VAV3: variants seen among roughly 807,000 people sequenced by gnomAD.
VAV3 encodes guanine nucleotide exchange factor VAV3.
In VAV3, 94 loss-of-function variants were observed where a neutral mutation model predicts 131.2. The observed-to-expected ratio is 0.72, with a 90% CI of 0.61 to 0.85. The LOEUF (loss-of-function observed/expected upper bound fraction) is 0.85, where lower values mean the gene tolerates loss of function less well. Ranked by LOEUF, VAV3 falls within the 40% of genes least tolerant of loss-of-function variation. VAV3 has a pLI of 0.00. For missense variants in VAV3, 939 were observed against 1,002.7 expected, an observed-to-expected ratio of 0.94 and a Z score of 0.86; for synonymous variants, 349 against 342.0, an observed-to-expected ratio of 1.02 and a Z score of -0.22.
intron 19 of VAV3, among the ~76,000 whole-genome samples, chr1:107,682,610 G>A (rs1157381509): frequency 6.6e-6 from 1 of 152,138 alleles, no homozygotes. Flanking sequence ...ATCTTAAACA[G>A]CTCATAAACT....
chr1:107,706,407 C>T (rs1660455291), intron 15 of VAV3, among the ~76,000 whole-genome samples: 1 of 152,166 alleles, frequency 6.6e-6, no homozygotes, highest in Non-Finnish European at 1.5e-5. Context: ...AATCCATCTG[C>T]TGAATATGAG....
intron 1 of VAV3, among the ~76,000 whole-genome samples, chr1:107,954,739 A>C (rs948496720): frequency 4.0e-5 from 6 of 148,860 alleles, no homozygotes; most frequent in Non-Finnish European, 8.9e-5. Flanking sequence ...CCTCCAAGGG[A>C]GCCCCACACA....
chr1:107,720,549 A>T (rs1015084769), intron 15 of VAV3, among the ~76,000 whole-genome samples: 92 of 151,364 alleles, frequency 6.1e-4, no homozygotes, highest in African/African-American at 2.2e-3. Flanking sequence ...GGGGTGGCGC[A>T]TGCCTATAAT....
intron 2 of VAV3, among the ~76,000 whole-genome samples, chr1:107,808,758 G>A (rs888843158): frequency 2.6e-5 from 4 of 152,102 alleles, no homozygotes; most frequent in African/African-American, 4.8e-5. Context: ...CATAGTATAA[G>A]AGGCTACAAT....
chr1:107,806,043 G>C (rs899582606), intron 2 of VAV3, among the ~76,000 whole-genome samples: 2 of 152,096 alleles, frequency 1.3e-5, no homozygotes, highest in African/African-American at 4.8e-5. Context: ...CCACTGACTT[G>C]GCATCTCCTT....
chr1:107,576,833 A>G (rs953771985), intron 25 of VAV3, among the ~76,000 whole-genome samples: 4 of 152,222 alleles, frequency 2.6e-5, no homozygotes, highest in African/African-American at 9.6e-5. Context: ...CAAAACTATT[A>G]TAAAGAAAAG....
At chr1:107,894,668 A>G (rs1310061048) in intron 1 of VAV3, among the ~76,000 whole-genome samples, 1 of 152,222 alleles carries the variant, frequency 6.6e-6, no homozygotes, top group Non-Finnish European at 1.5e-5. Context: ...TTAACTTTTA[A>G]AAACGGCAGA....
rs774039022 is a variant in VAV3, at chr1:107,772,826, T to A, written c.464A>T (p.Asp155Val). The change falls in exon 5 of 27, where the codon GAT (aspartate) becomes GTT (valine). Residue 155 changes from aspartate (D) to valine (V), a missense_variant. Coordinates refer to ENST00000370056, the MANE Select transcript of VAV3 (RefSeq NM_006113.5). ...AACACAGTCATAGAGATCTTCTTCA[T>A]CTTCCACAAGGGTTTCACTACAACA... is the stretch of plus-strand genomic sequence containing the variant. ...PDLIDETLVEDEEDLYDCVYG... is the reference protein window; with the variant it reads ...PDLIDETLVEVEEDLYDCVYG... 1.9e-6 allele frequency: 3 copies of A among 1,613,608 alleles called. No individual in the cohort carries two copies. Among genetic ancestry groups the A allele is most frequent in the Non-Finnish European group, 2.5e-6 (3 of 1,179,772 alleles).
chr1:107,594,875 A>C (rs373669905), intron 25 of VAV3, among the ~76,000 whole-genome samples: 1 of 152,070 alleles, frequency 6.6e-6, no homozygotes, highest in Admixed American at 6.6e-5. Context: ...GAACAACTCA[A>C]ACAGGATTTT....
At chr1:107,685,575 A>G (rs1326199847) in intron 18 of VAV3, among the ~76,000 whole-genome samples, 2 of 152,124 alleles carry the variant, frequency 1.3e-5, no homozygotes, top group East Asian at 1.9e-4. Context: ...CACTCTGAAA[A>G]CAGAAACCTT....
At chr1:107,624,497 C>T (rs1653861100) in intron 20 of VAV3, among the ~76,000 whole-genome samples, 1 of 151,656 alleles carries the variant, frequency 6.6e-6, no homozygotes, top group Non-Finnish European at 1.5e-5. Flanking sequence ...AGCCAAAACC[C>T]ACGTTGTTAC....
intron 1 of VAV3, among the ~76,000 whole-genome samples, chr1:107,877,842 T>C (rs1336937582): frequency 6.6e-6 from 1 of 152,114 alleles, no homozygotes; most frequent in Non-Finnish European, 1.5e-5. Context: ...TTTGACTAAA[T>C]TAGTGCTGAG....
At chr1:107,813,181 C>A (rs1195601008) in intron 2 of VAV3, among the ~76,000 whole-genome samples, 1 of 150,536 alleles carries the variant, frequency 6.6e-6, no homozygotes, top group African/African-American at 2.4e-5. Flanking sequence ...CTATGAAATG[C>A]ATATTACAAA....
chr1:107,574,902 G>C lies in VAV3; in HGVS notation c.2351-704C>G, dbSNP rs1419247173. On this transcript the variant is annotated intron_variant, in intron 25 of 26. Transcript: ENST00000370056. ...TGCCTTACAGAAAAACTTTACTGATGTATCTAATCAAAAATAAGATGTCAG... is the reference window on the plus strand; with the variant it reads ...TGCCTTACAGAAAAACTTTACTGATCTATCTAATCAAAAATAAGATGTCAG... 2.0e-5 allele frequency among the ~76,000 whole-genome samples: 3 copies of C among 151,904 alleles called. No homozygotes were observed. The East Asian group carries it at 5.8e-4, about 29-fold the overall frequency.
At chr1:107,640,363 A>G (rs534171608) in intron 20 of VAV3, among the ~76,000 whole-genome samples, 51 of 152,268 alleles carry the variant, frequency 3.3e-4, no homozygotes, top group Non-Finnish European at 6.0e-4. Context: ...TAAGCCATAC[A>G]AAAAACAATA....
chr1:107,603,060 C>T lies in VAV3; in HGVS notation c.2119G>A (p.Ala707Thr), dbSNP rs1294649530. 6.2e-7 allele frequency: 1 copy of T among 1,611,868 alleles called. No homozygotes were observed. The highest frequency in any genetic ancestry group is 8.5e-7 in the Non-Finnish European group (1 of 1,178,512). ...RHRTKESGEYAISIKYNNEAK... is the reference protein window; with the variant it reads ...RHRTKESGEYTISIKYNNEAK... ...TGTCCTACTTACTTAATGCTAATTG[C>T]ATATTCTCCTGACTCTTTGGTCCTG... Residue 707 changes from alanine to threonine, a missense_variant, in exon 23 of 27, where the codon GCA (alanine) becomes ACA (threonine). By Grantham distance (58) the Ala-to-Thr change is moderately conservative. Transcript: ENST00000370056.
At chr1:107,577,491 T>C (rs1649739828) in intron 25 of VAV3, among the ~76,000 whole-genome samples, 2 of 152,248 alleles carry the variant, frequency 1.3e-5, no homozygotes. Context: ...GAGAGAAGGC[T>C]ACATTTCTCA....
intron 15 of VAV3, among the ~76,000 whole-genome samples, chr1:107,732,589 C>T (rs1317843887): frequency 6.6e-6 from 1 of 152,212 alleles, no homozygotes; most frequent in African/African-American, 2.4e-5. Flanking sequence ...GGGTCCCATG[C>T]CCACGGAGCC....
At chr1:107,854,181 G>A (rs1406117668) in intron 2 of VAV3, among the ~76,000 whole-genome samples, 1 of 152,122 alleles carries the variant, frequency 6.6e-6, no homozygotes, top group East Asian at 1.9e-4. Flanking sequence ...ATGGTAGCGT[G>A]CGCCTGTAAT....
Sources: gnomAD v4.1 joint callset for allele counts (sites outside exome capture counted in the v4.1 genomes callset) on GRCh38, gnomAD v4.1.1 for gene constraint, MANE v1.5 for transcripts, NCBI Gene and HGNC (gene_info 2026-07-23, HGNC 2026-07-21) for gene names.